The following TMEM59L variants were observed in gnomAD, a reference collection of about 807,000 sequenced individuals.
The protein encoded by TMEM59L is transmembrane protein 59-like.
TMEM59L carries 31 observed loss-of-function variants against 39.6 expected under a neutral mutation model. The observed-to-expected ratio is 0.78, with a 90% confidence interval of 0.59 to 1.06. The LOEUF (loss-of-function observed/expected upper bound fraction) is 1.06, where lower values mean the gene tolerates loss of function less well. TMEM59L is among the 50% of genes least tolerant of loss of function. The pLI is 0.00. For missense variants in TMEM59L, 441 were observed against 451.3 expected (o/e 0.98, Z 0.21); for synonymous variants, 219 against 202.9 (o/e 1.08, Z -0.68).
chr19:18,613,975 G>A lies in TMEM59L; in HGVS notation c.275G>A (p.Arg92Lys). The change falls in exon 2 of 8, where the codon AGA becomes AAA. Residue 92 changes from arginine to lysine, a missense_variant. Arg to Lys is a conservative substitution (Grantham distance 26). Transcript: ENST00000262817. ...RLFSICRFVA[R>K]SSKPNATQTE... ...TTCTCCATCTGCCGATTTGTGGCCA[G>A]AAGCTCCAAGCCCAATGCCACCCAA... 5.0e-6 allele frequency: 8 copies of A among 1,613,418 alleles called. No homozygotes were observed. The highest frequency in any genetic ancestry group is 6.8e-6 in the Non-Finnish European group (8 of 1,180,026).
chr19:18,620,473 G>T lies in TMEM59L; in HGVS notation c.966G>T (p.Pro322=), dbSNP rs768557209. Residue 322 remains proline, a synonymous_variant, in exon 8 of 8, where the codon CCG becomes CCT. Transcript: ENST00000262817. ...CCGATTGGCCCCTGTACCCGCCGCC[G>T]TCCCACGCCTGTGAGGACAGCCTAC... ...MEPDWPLYPP[P]SHACEDSLPP... is the part of the protein sequence containing the mutation. 6.2e-7 allele frequency: 1 copy of T among 1,613,634 alleles called. No homozygotes were observed.
intron 3 of TMEM59L, among the ~76,000 whole-genome samples, chr19:18,615,360 A>T (rs763327636): frequency 1.3e-5 from 2 of 152,234 alleles, no homozygotes; most frequent in Non-Finnish European, 2.9e-5. Context: ...ACTACTACGC[A>T]TTAAGTGCCT....
At chr19:18,618,648 T>C (rs1012725507) in intron 7 of TMEM59L, among the ~76,000 whole-genome samples, 156 bp downstream of exon 7, 5 of 77,462 alleles carry the variant, frequency 6.5e-5, no homozygotes, top group East Asian at 2.1e-4. Context: ...TACATATACG[T>C]GTGTGTGTGT....
At chr19:18,619,918 C>T (rs1474977255) in intron 7 of TMEM59L, among the ~76,000 whole-genome samples, 1 of 151,046 alleles carries the variant, frequency 6.6e-6, no homozygotes, top group Non-Finnish European at 1.5e-5. Flanking sequence ...TTCGAAGCTG[C>T]AGTGAGCTGT....
chr19:18,618,572 C>A, intron 7 of TMEM59L, 80 bp downstream of exon 7: 1 of 1,336,212 alleles, frequency 7.5e-7, no homozygotes, highest in Non-Finnish European at 1.0e-6. Flanking sequence ...CTGGATTTGG[C>A]CACCTGCTCC....
intron 3 of TMEM59L, among the ~76,000 whole-genome samples, chr19:18,615,155 G>T (rs1228139340): frequency 6.6e-6 from 1 of 152,028 alleles, no homozygotes; most frequent in Non-Finnish European, 1.5e-5. Flanking sequence ...GCTAATTTTT[G>T]TATTTTTAGG....
chr19:18,613,829 G>T, intron 1 of TMEM59L, 43 bp from the exon 2 acceptor site: 2 of 1,451,018 alleles, frequency 1.4e-6, no homozygotes, highest in Non-Finnish European at 1.9e-6. Context: ...CCCTCCTCCT[G>T]CCCCTCCCCA....
In TMEM59L at chr19:18,614,087, G is replaced by C. The variant is rs1037064331; in HGVS notation, c.317-17G>C. ...TGGGAAGGGCCGTCCCCAGTCACCC[G>C]CTCCCACCTCCCACAGCCTGCGTGG... On this transcript the variant is annotated splice_polypyrimidine_tract_variant and intron_variant, in intron 2 of 7. Transcript: ENST00000262817. 2 of 1,612,102 alleles carry C rather than the reference G, an allele frequency of 1.2e-6. No individual in the cohort carries two copies. The highest frequency in any genetic ancestry group is 1.7e-6 in the Non-Finnish European group (2 of 1,179,694).
chr19:18,618,857 G>A (rs1038140566), intron 7 of TMEM59L, among the ~76,000 whole-genome samples: 1 of 151,630 alleles, frequency 6.6e-6, no homozygotes, highest in Non-Finnish European at 1.5e-5. Context: ...ACCACACCCA[G>A]CTAATTTTTG....
chr19:18,618,250 G>C lies in TMEM59L; in HGVS notation c.760G>C (p.Asp254His), dbSNP rs982613965. Residue 254 changes from aspartate (D) to histidine (H), a missense_variant, in exon 6 of 8, where the codon GAC becomes CAC. Asp to His is a moderately conservative substitution (Grantham distance 81, BLOSUM62 -1). Transcript: ENST00000262817. ...KVESEEPQDN[D>H]FLSCMSRRSG... ...GGAGTCTGAAGAGCCACAGGACAAT[G>C]ACTTCCTCAGTTGCATGTCCCGGTG... 6.8e-7 allele frequency: 1 copy of C among 1,464,100 alleles called. No homozygotes were observed. The allele number at this position is 1,464,100 out of a possible 1,614,324, so 90.7% of individuals were successfully genotyped here.
At chr19:18,616,727 G>A (rs532670586) in intron 4 of TMEM59L, among the ~76,000 whole-genome samples, 1 of 152,158 alleles carries the variant, frequency 6.6e-6, no homozygotes, top group South Asian at 2.1e-4. Context: ...GATTTACTCT[G>A]ATTGGCCCTG....
intron 4 of TMEM59L, among the ~76,000 whole-genome samples, chr19:18,616,537 C>T (rs925709626): frequency 1.3e-5 from 2 of 152,078 alleles, no homozygotes; most frequent in Admixed American, 1.3e-4. Context: ...GGATTACAGG[C>T]GGCCACCACC....
chr19:18,617,738 T>C (rs4808834), intron 5 of TMEM59L: 10 of 405,502 alleles, frequency 2.5e-5, no homozygotes, highest in Non-Finnish European at 3.3e-5. Context: ...CATGGTCCAT[T>C]TCCCAGGGTT....
In TMEM59L at chr19:18,613,031, G is replaced by A. The variant is rs998587247; in HGVS notation, c.73G>A (p.Ala25Thr). The change falls in exon 1 of 8, where the codon GCG (alanine) becomes ACG (threonine). Residue 25 changes from alanine to threonine, a missense_variant. Transcript: ENST00000262817. ...LLLASPPAAS[A>T]PSARDPFAPQ... ...GTTGGCGTCGCCGCCCGCCGCCTCC[G>A]CGCCGTCCGCCCGCGATCCCTTCGC... The A allele has an allele frequency of 2.2e-6, 3 of 1,392,080 alleles. No individual in the cohort carries two copies. The highest frequency in any genetic ancestry group is 3.1e-5 in the South Asian group (2 of 64,280). The allele number at this position is 1,392,080 out of a possible 1,614,324, so 86.2% of individuals were successfully genotyped here.
At chr19:18,615,517 C>G (rs947926397) in intron 3 of TMEM59L, among the ~76,000 whole-genome samples, 2 of 152,238 alleles carry the variant, frequency 1.3e-5, no homozygotes, top group South Asian at 4.1e-4. Flanking sequence ...ACGCTGAGAT[C>G]TGTGTTCACT....
rs1189234310 is a variant in TMEM59L, at chr19:18,620,494, C to T, written c.987C>T (p.Ser329=). The T allele has an allele frequency of 8.1e-6, 13 of 1,613,812 alleles. No homozygotes were observed. The highest frequency in any genetic ancestry group is 1.1e-5 in the Non-Finnish European group (13 of 1,179,990). Residue 329 remains serine (S), a synonymous_variant, in exon 8 of 8, where the codon AGC becomes AGT. Coordinates refer to ENST00000262817, the MANE Select transcript of TMEM59L (RefSeq NM_012109.3). ...YPPPSHACED[S]LPPYKLKLDL... is the part of the protein sequence containing the mutation. Reference sequence around the variant, plus strand: ...CGCCGTCCCACGCCTGTGAGGACAGCCTACCACCCTACAAGCTGAAGCTGG... The same window carrying T: ...CGCCGTCCCACGCCTGTGAGGACAGTCTACCACCCTACAAGCTGAAGCTGG...
At position 18,616,145 on chromosome 19, in the gene TMEM59L, G is replaced by A. The variant is rs770212397; in HGVS notation, c.561+18G>A. The A allele has an allele frequency of 2.5e-6, 4 of 1,613,012 alleles. No homozygotes were observed. On this transcript the variant is annotated intron_variant, in intron 4 of 7. Coordinates refer to ENST00000262817, the MANE Select transcript of TMEM59L (RefSeq NM_012109.3). Reference sequence around the variant, plus strand: ...TGTTTCAGGTGAGACCTCTGACAGGGGCCACGCCAGAGTGGCAGATGGGTG... The same window carrying A: ...TGTTTCAGGTGAGACCTCTGACAGGAGCCACGCCAGAGTGGCAGATGGGTG...
At position 18,612,888 on chromosome 19, in the gene TMEM59L, G is replaced by A; in HGVS notation, c.-71G>A. ...GGGTGACGTCAGCGCCCCGGTCCCC[G>A]CCGCAGCCGCTGCATCCTCCGTGCC... is the stretch of plus-strand genomic sequence containing the variant. On this transcript the variant is annotated 5_prime_UTR_variant, in exon 1 of 8. Coordinates refer to ENST00000262817, the MANE Select transcript of TMEM59L (RefSeq NM_012109.3). The surrounding 1 kb of genome is among the most constrained non-coding windows in gnomAD (Gnocchi z 6.2). The A allele has an allele frequency of 8.2e-7, 1 of 1,221,964 alleles. No homozygotes were observed. Among genetic ancestry groups the A allele is most frequent in the Non-Finnish European group, 1.0e-6 (1 of 974,578 alleles). 75.7% of individuals were successfully genotyped at this position (1,221,964 alleles called of 1,614,324 possible).
intron 7 of TMEM59L, 93 bp from the exon 8 acceptor site, chr19:18,620,315 A>T (rs1976481236): frequency 7.5e-7 from 1 of 1,324,902 alleles, no homozygotes; most frequent in Non-Finnish European, 1.0e-6. Flanking sequence ...AAGAAAAAAA[A>T]TAAAACAATC....
Sources: gnomAD v4.1 joint callset for allele counts (sites outside exome capture counted in the v4.1 genomes callset) on GRCh38, gnomAD v4.1.1 for gene constraint, Gnocchi (gnomAD v3.1) non-coding constraint, MANE v1.5 for transcripts, NCBI Gene and HGNC (gene_info 2026-07-23, HGNC 2026-07-21) for gene names.